SOX30: variants seen among roughly 807,000 people sequenced by gnomAD.
SOX30 encodes SRY-box transcription factor 30.
A neutral mutation model predicts 58.6 loss-of-function variants in SOX30; 17 were observed. The observed-to-expected ratio is 0.29, with a 90% CI of 0.20 to 0.44. SOX30 has a LOEUF of 0.44. Ranked by LOEUF, SOX30 falls within the 20% of genes least tolerant of loss-of-function variation. The probability of loss-of-function intolerance (pLI) is 1.00; values close to 1 mark genes in which losing one functional copy is unlikely to be tolerated. For missense variants in SOX30, 951 were observed against 965.8 expected (o/e 0.98, Z 0.20); for synonymous variants, 421 against 400.2 (o/e 1.05, Z -0.62).
chr5:157,658,555 T>A (rs1223060867), intron 2 of SOX30, among the ~76,000 whole-genome samples: 1 of 152,086 alleles, frequency 6.6e-6, no homozygotes, highest in African/African-American at 2.4e-5. Context: ...AAACTCGGAG[T>A]TATGAATTGC....
intron 4 of SOX30, among the ~76,000 whole-genome samples, chr5:157,631,607 A>T (rs11960823): frequency 0.17 from 25,256 of 151,840 alleles, 2,429 homozygotes; most frequent in African/African-American, 0.27. Context: ...CTAAAAATAC[A>T]AAAATAAGCC....
At chr5:157,667,823 T>A (rs1440586136) in exon 2 of SOX30, 1 of 1,535,508 alleles carries the variant, frequency 6.5e-7, no homozygotes, top group East Asian at 2.4e-5. Context: ...GTAGACTTTG[T>A]TCCTTCCCTC....
chr5:157,667,934 CACA>C (rs1232861127), intron 1 of SOX30: 8 of 1,406,220 alleles, frequency 5.7e-6, no homozygotes, highest in East Asian at 2.5e-5. Context: ...ATTCATTCCC[CACA>C]ACAACACTTG....
At chr5:157,653,118 C>G (rs947214421), upstream of SOX30, among the ~76,000 whole-genome samples, 1 of 152,176 alleles carries the variant, frequency 6.6e-6, no homozygotes, top group Non-Finnish European at 1.5e-5. Flanking sequence ...TCATCATTCT[C>G]TTTCTACTGC....
At chr5:157,643,132 A>T (rs1759110650) in intron 3 of SOX30, among the ~76,000 whole-genome samples, 1 of 152,058 alleles carries the variant, frequency 6.6e-6, no homozygotes, top group African/African-American at 2.4e-5. Flanking sequence ...AACAACAACA[A>T]CAAACCTCTG....
intron 2 of SOX30, among the ~76,000 whole-genome samples, 197 bp downstream of exon 2, chr5:157,648,460 T>A (rs1759248783): frequency 6.6e-6 from 1 of 152,214 alleles, no homozygotes; most frequent in Admixed American, 6.6e-5. Context: ...AAATCAGATA[T>A]CCCTTTGCTT....
intron 4 of SOX30, among the ~76,000 whole-genome samples, chr5:157,637,057 C>T (rs1416411789): frequency 2.8e-5 from 4 of 144,880 alleles, no homozygotes; most frequent in East Asian, 4.2e-4. Context: ...CGCTTGAACC[C>T]GGGAGGCGGA....
At chr5:157,670,321 G>A (rs531570350) in intron 1 of SOX30, among the ~76,000 whole-genome samples, 2 of 152,292 alleles carry the variant, frequency 1.3e-5, no homozygotes, top group East Asian at 1.9e-4. Flanking sequence ...AGAGCTCAAA[G>A]TCTAGTGGGG....
In SOX30 at chr5:157,626,590, G is replaced by A. The variant is rs536800017; in HGVS notation, c.2012C>T (p.Ser671Phe). The A allele has an allele frequency of 3.1e-6, 5 of 1,614,006 alleles. No homozygotes were observed. Among genetic ancestry groups the A allele is most frequent in the Admixed American group, 1.7e-5 (1 of 59,994 alleles). The stretch of plus-strand genomic sequence containing the variant: ...GCATTCACTTGAGTAGTCTCTAAAA[G>A]AATAGTCTCTATTTAAAGTTGAAAA... The part of the protein sequence containing the change: ...GIFSTLNRDY[S>F]FRDYSSECTH... Residue 671 changes from serine to phenylalanine, a missense_variant, in exon 5 of 5, where the codon TCT (serine) becomes TTT (phenylalanine). Physicochemically the swap from Ser to Phe is radical, Grantham distance 155. Coordinates refer to ENST00000265007, the MANE Select transcript of SOX30 (RefSeq NM_178424.2).
intron 1 of SOX30, among the ~76,000 whole-genome samples, chr5:157,670,860 T>C (rs940916989): frequency 1.3e-5 from 2 of 152,134 alleles, no homozygotes; most frequent in African/African-American, 4.8e-5. Flanking sequence ...TTCTGGTCCA[T>C]TATGTGTGGG....
intron 2 of SOX30, among the ~76,000 whole-genome samples, chr5:157,648,011 A>G (rs1759237293): frequency 6.6e-6 from 1 of 152,176 alleles, no homozygotes; most frequent in Non-Finnish European, 1.5e-5. Flanking sequence ...TCACTGGTTC[A>G]CTGTAGTTGC....
At chr5:157,653,438 G>A (rs1471297687), upstream of SOX30, among the ~76,000 whole-genome samples, 1 of 152,022 alleles carries the variant, frequency 6.6e-6, no homozygotes, top group African/African-American at 2.4e-5. Flanking sequence ...CTGGCATATA[G>A]TACTCAATAA....
intron 1 of SOX30, among the ~76,000 whole-genome samples, chr5:157,650,708 T>C (rs1043030947): frequency 6.6e-6 from 1 of 152,218 alleles, no homozygotes; most frequent in Non-Finnish European, 1.5e-5. Flanking sequence ...TTATAATCAC[T>C]TTTTTCATTC....
intron 3 of SOX30, among the ~76,000 whole-genome samples, chr5:157,643,423 A>AT (rs1759117814): frequency 1.3e-5 from 2 of 152,006 alleles, no homozygotes; most frequent in South Asian, 2.1e-4. Context: ...TTGTCTCAAA[A>AT]ATATATATAA....
intron 1 of SOX30, chr5:157,667,859 CA>C: frequency 6.5e-7 from 1 of 1,535,358 alleles, no homozygotes; most frequent in Non-Finnish European, 8.7e-7. Flanking sequence ...TGACCTGGAA[CA>C]AAAAGAAGGG....
chr5:157,631,057 A>ATATACAATATATATATTT (rs1758792057), intron 4 of SOX30, among the ~76,000 whole-genome samples: 2 of 48,560 alleles, frequency 4.1e-5, no homozygotes, highest in African/African-American at 1.3e-4. Flanking sequence ...TTATATATAT[A>ATATACAATATATATATTT]TATATATATA....
intron 1 of SOX30, among the ~76,000 whole-genome samples, chr5:157,671,097 T>G (rs1423464873): frequency 6.6e-6 from 1 of 152,068 alleles, no homozygotes; most frequent in Non-Finnish European, 1.5e-5. Context: ...TAGCCAAGGG[T>G]CTTCCGGAAA....
chr5:157,641,954 G>C (rs911994956), intron 3 of SOX30, among the ~76,000 whole-genome samples: 4 of 152,142 alleles, frequency 2.6e-5, no homozygotes, highest in Non-Finnish European at 5.9e-5. Flanking sequence ...AAGTGTACTG[G>C]GAAGATCTAG....
intron 2 of SOX30, among the ~76,000 whole-genome samples, chr5:157,666,761 A>G (rs997850565): frequency 9.9e-5 from 15 of 152,132 alleles, no homozygotes; most frequent in African/African-American, 3.6e-4. Context: ...GCTGGAGTGC[A>G]GTGGCACAAT....
Sources: gnomAD v4.1 joint callset for allele counts (sites outside exome capture counted in the v4.1 genomes callset) on GRCh38, gnomAD v4.1.1 for gene constraint, MANE v1.5 for transcripts, NCBI Gene and HGNC (gene_info 2026-07-23, HGNC 2026-07-21) for gene names.